The following EDC3 variants were observed in gnomAD, a reference collection of about 807,000 sequenced individuals.
EDC3 encodes enhancer of mRNA decapping 3, also known as enhancer of mRNA-decapping protein 3.
In EDC3, 20 loss-of-function variants were observed where a neutral mutation model predicts 41.8. The ratio of observed to expected loss-of-function variants is 0.48; its 90% confidence interval spans 0.34 to 0.70. The LOEUF (loss-of-function observed/expected upper bound fraction) is 0.70, where lower values mean the gene tolerates loss of function less well. Ranked by LOEUF, EDC3 falls within the 30% of genes least tolerant of loss-of-function variation. The pLI, the probability that EDC3 is intolerant of heterozygous loss-of-function variation, is 0.01. For synonymous variants in EDC3, 206 were observed against 243.2 expected (o/e 0.85, Z 1.42); for missense variants, 444 against 636.8 (o/e 0.70, Z 3.26).
chr15:74,664,944 G>A (rs748623384), intron 3 of EDC3, among the ~76,000 whole-genome samples: 18 of 152,312 alleles, frequency 1.2e-4, no homozygotes, highest in Middle Eastern at 3.4e-3. Flanking sequence ...AGAGAAAAAG[G>A]GAAATCAGCA....
At chr15:74,657,397 T>G (rs1485228918) in intron 3 of EDC3, among the ~76,000 whole-genome samples, 1 of 152,198 alleles carries the variant, frequency 6.6e-6, no homozygotes. Context: ...TGGAGTTTGA[T>G]CCCACTGGCA....
chr15:74,654,540 G>C (rs781588348), intron 4 of EDC3, among the ~76,000 whole-genome samples: 24 of 152,188 alleles, frequency 1.6e-4, no homozygotes, highest in Non-Finnish European at 8.8e-5. Context: ...CTTTACACAG[G>C]TGTTAAAAAT....
At chr15:74,634,600 G>A (rs1441918128) in intron 6 of EDC3, among the ~76,000 whole-genome samples, 1 of 151,898 alleles carries the variant, frequency 6.6e-6, no homozygotes, top group Non-Finnish European at 1.5e-5. Flanking sequence ...CTCAGTGATC[G>A]CACCTCAGTT....
At chr15:74,662,426 T>G (rs1212920734) in intron 3 of EDC3, among the ~76,000 whole-genome samples, 1 of 147,274 alleles carries the variant, frequency 6.8e-6, no homozygotes, top group Admixed American at 6.7e-5. Flanking sequence ...GCAATATATA[T>G]ATATATATAT....
At chr15:74,678,742 T>C (rs2062835676) in intron 1 of EDC3, among the ~76,000 whole-genome samples, 1 of 145,220 alleles carries the variant, frequency 6.9e-6, no homozygotes, top group Non-Finnish European at 1.5e-5. Flanking sequence ...ATACAAAAAT[T>C]AGCCAGGCAT....
In EDC3 at chr15:74,675,007, G is replaced by A. The variant is rs767980037; in HGVS notation, c.118C>T (p.Pro40Ser). 4.3e-6 allele frequency: 7 copies of A among 1,614,006 alleles called. No individual in the cohort carries two copies. The highest frequency in any genetic ancestry group is 5.9e-6 in the Non-Finnish European group (7 of 1,180,030). The change falls in exon 2 of 7, where the codon CCT becomes TCT. Residue 40 changes from proline to serine, a missense_variant. Pro to Ser is a moderately conservative substitution (Grantham distance 74). Coordinates refer to ENST00000315127, the MANE Select transcript of EDC3 (RefSeq NM_025083.5). The part of the protein sequence containing the change: ...QVSQTISLTR[P>S]FHNGVKCLVP... ...AGACACTTCACTCCATTATGGAAAG[G>A]CCGGGTGAGAGAAATGGTCTGGCTG...
chr15:74,658,329 A>G (rs76115406), intron 3 of EDC3, among the ~76,000 whole-genome samples: 1 of 152,032 alleles, frequency 6.6e-6, no homozygotes, highest in African/African-American at 2.4e-5. Flanking sequence ...ACCTCCTTCA[A>G]CCCAAAGGAC....
intron 1 of EDC3, among the ~76,000 whole-genome samples, chr15:74,685,185 A>G (rs2062921350): frequency 6.6e-6 from 1 of 152,136 alleles, no homozygotes; most frequent in African/African-American, 2.4e-5. Flanking sequence ...GCTTGAGTCC[A>G]GAAGTTTGAG....
chr15:74,631,058 C>A lies in EDC3; in HGVS notation c.*1554G>T, dbSNP rs1314603462. ...GAGCAGAGGCTCAGAGAATACACAG[C>A]ACAAGGGTTACAGTCCCTGGCCTCT... On this transcript the variant is annotated 3_prime_UTR_variant, in exon 7 of 7. Transcript: ENST00000315127. 1 of 152,294 alleles carries A rather than the reference C, an allele frequency of 6.6e-6. No homozygotes were observed. Among genetic ancestry groups the A allele is most frequent in the African/African-American group, 2.4e-5 (1 of 41,466 alleles). The allele number at this position is 152,294 out of a possible 1,614,324, so 9.4% of individuals were successfully genotyped here. A position where few individuals can be genotyped will look rare whatever the true frequency, so the allele number is the denominator to read the frequency against.
rs890638380 is a variant in EDC3, at chr15:74,632,317, T to G, written c.*295A>C. 5.2e-5 allele frequency: 22 copies of G among 426,892 alleles called. No homozygotes were observed. The East Asian group carries it at 6.7e-4, about 13-fold the overall frequency. The allele number at this position is 426,892 out of a possible 1,614,324, so 26.4% of individuals were successfully genotyped here. On this transcript the variant is annotated 3_prime_UTR_variant, in exon 7 of 7. Transcript: ENST00000315127. This position sits in a 1 kb window ranked among gnomAD's most constrained non-coding sequence, Gnocchi z 4.0. ...TGGCTGTAAACCTGAAACACAGTCT[T>G]GAGAGCTGCCTACGGCTGTAAACAA...
At chr15:74,680,883 C>A (rs562316760) in intron 1 of EDC3, among the ~76,000 whole-genome samples, 29 of 151,704 alleles carry the variant, frequency 1.9e-4, no homozygotes, top group African/African-American at 6.8e-4. Flanking sequence ...TTTACAATTG[C>A]TCAAAAAATA....
At chr15:74,672,863 G>A (rs1209172602) in intron 2 of EDC3, among the ~76,000 whole-genome samples, 2 of 151,938 alleles carry the variant, frequency 1.3e-5, no homozygotes, top group Non-Finnish European at 2.9e-5. Context: ...TGACAGAGGT[G>A]TGCATAGGAG....
intron 3 of EDC3, among the ~76,000 whole-genome samples, chr15:74,665,180 A>G (rs1456462949): frequency 6.6e-6 from 1 of 152,150 alleles, no homozygotes; most frequent in Non-Finnish European, 1.5e-5. Flanking sequence ...ATGCACCACC[A>G]GGCCCAGCTA....
At position 74,646,700 on chromosome 15, in the gene EDC3, T is replaced by C. The variant is rs1392990032; in HGVS notation, c.821-6081A>G. Among the ~76,000 whole-genome samples, 5 of 151,972 alleles carry C rather than the reference T, an allele frequency of 3.3e-5. No homozygotes were observed. The East Asian group carries it at 7.7e-4, about 23-fold the overall frequency. ...GGTATGAAGGCTCAGTGTAGAGCAG[T>C]GGGCAGGGCCAAGGTCAGAAGGTTT... On this transcript the variant is annotated intron_variant, in intron 4 of 6. Transcript: ENST00000315127.
chr15:74,670,655 C>T (rs1387581071), intron 3 of EDC3, among the ~76,000 whole-genome samples: 1 of 152,202 alleles, frequency 6.6e-6, no homozygotes, highest in Non-Finnish European at 1.5e-5. Context: ...GCCTCAAACG[C>T]CTGACCTCAG....
chr15:74,676,514 A>T lies in EDC3; in HGVS notation c.-18-1372T>A, dbSNP rs189218692. The stretch of plus-strand genomic sequence containing the variant: ...ATAAAACACATATTATTAATATCAG[A>T]AATGAACAAAGAGACATCATAGACA... On this transcript the variant is annotated intron_variant, in intron 1 of 6. Transcript: ENST00000315127. Among the ~76,000 whole-genome samples the T allele has an allele frequency of 2.6e-5, 4 of 152,312 alleles. No individual in the cohort carries two copies. In the East Asian group the frequency reaches 5.8e-4, roughly 22 times the overall value.
At chr15:74,646,218 G>T (rs770444750) in intron 4 of EDC3, among the ~76,000 whole-genome samples, 2 of 151,842 alleles carry the variant, frequency 1.3e-5, no homozygotes, top group Non-Finnish European at 2.9e-5. Flanking sequence ...AATTACAGAC[G>T]TGCACCACCA....
At chr15:74,687,288 A>G (rs1334763524) in intron 1 of EDC3, 1 of 152,246 alleles carries the variant, frequency 6.6e-6, no homozygotes, top group African/African-American at 2.4e-5. Flanking sequence ...CTAGTGATCT[A>G]ACTGAGCCAG....
chr15:74,673,217 A>G (rs1218382046), intron 2 of EDC3, among the ~76,000 whole-genome samples: 1 of 152,176 alleles, frequency 6.6e-6, no homozygotes, highest in Non-Finnish European at 1.5e-5. Flanking sequence ...TAGAAGACCA[A>G]GCAAGAAATA....
Sources: gnomAD v4.1 joint callset for allele counts (sites outside exome capture counted in the v4.1 genomes callset) on GRCh38, gnomAD v4.1.1 for gene constraint, Gnocchi (gnomAD v3.1) non-coding constraint, MANE v1.5 for transcripts, NCBI Gene and HGNC (gene_info 2026-07-23, HGNC 2026-07-21) for gene names.